The following NDUFA9 variants were observed in gnomAD, a reference collection of about 807,000 sequenced individuals.
NDUFA9 encodes NADH dehydrogenase [ubiquinone] 1 alpha subcomplex subunit 9, mitochondrial.
NDUFA9 carries 23 observed loss-of-function variants against 45.9 expected under a neutral mutation model. That is an observed-to-expected ratio of 0.50 (90% CI 0.36 to 0.71). NDUFA9 has a LOEUF of 0.71. Ranked by LOEUF, NDUFA9 falls within the 30% of genes least tolerant of loss-of-function variation. The pLI is 0.00. For synonymous variants in NDUFA9, 176 were observed against 170.5 expected (o/e 1.03, Z -0.25); for missense variants, 466 against 488.2 (o/e 0.95, Z 0.43).
In NDUFA9 at chr12:4,686,789, A is replaced by G. The variant is rs968151656; in HGVS notation, c.964-149A>G. 1.8e-4 allele frequency: 131 copies of G among 724,320 alleles called. No individual in the cohort carries two copies. In the African/African-American group the frequency reaches 2.1e-3, roughly 12 times the overall value. 44.9% of individuals were successfully genotyped at this position (724,320 alleles called of 1,614,324 possible). ...GTGTTCTGCTTTTATAGTGATTTGC[A>G]TGAATCGAAAATTGCCACATATTCT... On this transcript the variant is annotated intron_variant, in intron 10 of 10. Transcript: ENST00000266544.
At chr12:4,658,750 A>T (rs537659296) in intron 4 of NDUFA9, among the ~76,000 whole-genome samples, 57 of 152,040 alleles carry the variant, frequency 3.7e-4, no homozygotes, top group Middle Eastern at 6.8e-3. Flanking sequence ...AAAATTAAAA[A>T]TTTTTTTTCT....
At position 4,685,328 on chromosome 12, in the gene NDUFA9, G is replaced by A. The variant is rs1945979096; in HGVS notation, c.963+3G>A. On this transcript the variant is annotated splice_donor_region_variant and intron_variant, in intron 10 of 10. Coordinates refer to ENST00000266544, the MANE Select transcript of NDUFA9 (RefSeq NM_005002.5). ...TAACAAGGGATAAAGTGGAGCGGGT[G>A]AGTACATGTGTGGAAAGCGTCTGCC... The A allele has an allele frequency of 1.9e-6, 3 of 1,609,898 alleles. No homozygotes were observed. The highest frequency in any genetic ancestry group is 2.6e-6 in the Non-Finnish European group (3 of 1,176,464).
intron 8 of NDUFA9, among the ~76,000 whole-genome samples, chr12:4,674,869 TC>T (rs1447130095): frequency 6.6e-6 from 1 of 152,192 alleles, no homozygotes; most frequent in Non-Finnish European, 1.5e-5. Context: ...GAATATAATT[TC>T]TTCTCAGCAC....
intron 9 of NDUFA9, among the ~76,000 whole-genome samples, chr12:4,683,088 C>T (rs536340832): frequency 2.6e-5 from 4 of 152,040 alleles, no homozygotes; most frequent in African/African-American, 9.6e-5. Context: ...CACCTATAGT[C>T]CCAGCTACTT....
At chr12:4,650,684 A>C (rs1477745840) in intron 1 of NDUFA9, among the ~76,000 whole-genome samples, 1 of 152,218 alleles carries the variant, frequency 6.6e-6, no homozygotes, top group Non-Finnish European at 1.5e-5. Flanking sequence ...AAATCATAAA[A>C]GGGAAAGATT....
rs1287734796 is a variant in NDUFA9 at position 4,669,722 on chromosome 12, A to G, written c.724-19A>G. ...TCTTTTTCAACAATTACTTAGACATATATTATAATTTCTTACAGGTCGTAG... is the reference window on the plus strand; with the variant it reads ...TCTTTTTCAACAATTACTTAGACATGTATTATAATTTCTTACAGGTCGTAG... On this transcript the variant is annotated intron_variant, in intron 7 of 10. Transcript: ENST00000266544. 6 of 1,469,274 alleles carry G rather than the reference A, an allele frequency of 4.1e-6. No individual in the cohort carries two copies. The highest frequency in any genetic ancestry group is 5.7e-6 in the Non-Finnish European group (6 of 1,049,464). The allele number at this position is 1,469,274 out of a possible 1,614,324, so 91.0% of individuals were successfully genotyped here.
intron 8 of NDUFA9, among the ~76,000 whole-genome samples, chr12:4,677,038 C>G (rs1291305235): frequency 1.3e-5 from 2 of 152,122 alleles, no homozygotes; most frequent in Non-Finnish European, 2.9e-5. Flanking sequence ...CTGACAAAAA[C>G]AAGCAATGAG....
At chr12:4,681,008 A>G (rs1565572045) in intron 8 of NDUFA9, among the ~76,000 whole-genome samples, 2 of 152,224 alleles carry the variant, frequency 1.3e-5, no homozygotes, top group Non-Finnish European at 2.9e-5. Flanking sequence ...ACATTTCAGT[A>G]TAGGGAAAGA....
chr12:4,663,900 G>C (rs1224340454), intron 6 of NDUFA9, among the ~76,000 whole-genome samples: 1 of 152,166 alleles, frequency 6.6e-6, no homozygotes, highest in Non-Finnish European at 1.5e-5. Flanking sequence ...ATGGAAATGA[G>C]TAAGATGTCA....
At chr12:4,666,273 T>C (rs1945852753) in intron 6 of NDUFA9, among the ~76,000 whole-genome samples, 1 of 152,202 alleles carries the variant, frequency 6.6e-6, no homozygotes. Context: ...TTTTTTTATT[T>C]ATTCAGAACA....
In NDUFA9 at chr12:4,687,147, T is replaced by G; in HGVS notation, c.*39T>G. Reference sequence around the variant, plus strand: ...GCTCTTGGTTTTGGCGTCTTTTGGGTCGGCCCATGTGGTTTGAGCACCCAG... The same window carrying G: ...GCTCTTGGTTTTGGCGTCTTTTGGGGCGGCCCATGTGGTTTGAGCACCCAG... On this transcript the variant is annotated 3_prime_UTR_variant, in exon 11 of 11. Transcript: ENST00000266544. 6.2e-7 allele frequency: 1 copy of G among 1,605,394 alleles called. No homozygotes were observed. Among genetic ancestry groups the G allele is most frequent in the Non-Finnish European group, 8.5e-7 (1 of 1,174,720 alleles).
chr12:4,682,853 GC>G (rs1355694670), intron 9 of NDUFA9, among the ~76,000 whole-genome samples: 1 of 152,196 alleles, frequency 6.6e-6, no homozygotes, highest in Non-Finnish European at 1.5e-5. Context: ...GATTGCTTGA[GC>G]CCAGGAGTTT....
rs1185921576 is a variant in NDUFA9 at position 4,659,157 on chromosome 12, T to G, written c.532T>G (p.Ser178Ala). Residue 178 changes from serine to alanine, a missense_variant, in exon 5 of 11, where the codon TCT (serine) becomes GCT (alanine). Physicochemically the swap from Ser to Ala is moderately conservative, Grantham distance 99. Transcript: ENST00000266544. ...SHLNANIKSS[S>A]RYLRNKAVGE... Reference sequence around the variant, plus strand: ...TCTGAATGCGAATATTAAAAGCTCTTCTAGATATTTGAGAAATAAGGTAAG... The same window carrying G: ...TCTGAATGCGAATATTAAAAGCTCTGCTAGATATTTGAGAAATAAGGTAAG... 1 of 1,611,760 alleles carries G rather than the reference T, an allele frequency of 6.2e-7. No homozygotes were observed. The highest frequency in any genetic ancestry group is 2.2e-5 in the East Asian group (1 of 44,862).
At chr12:4,653,409 C>G (rs1945770809) in intron 1 of NDUFA9, 1 of 283,274 alleles carries the variant, frequency 3.5e-6, no homozygotes, top group Admixed American at 5.2e-5. Flanking sequence ...GCAGAATGGG[C>G]AGCTACAGGA....
chr12:4,652,010 C>G (rs1339770726), intron 1 of NDUFA9, among the ~76,000 whole-genome samples: 1 of 152,204 alleles, frequency 6.6e-6, no homozygotes, highest in Non-Finnish European at 1.5e-5. Flanking sequence ...CATTACTTAA[C>G]ATAGCGAGTT....
In NDUFA9 at chr12:4,654,821, T is replaced by A. The variant is rs1365313949; in HGVS notation, c.221-4T>A. 1.9e-6 allele frequency: 3 copies of A among 1,606,426 alleles called. No individual in the cohort carries two copies. The highest frequency in any genetic ancestry group is 2.6e-6 in the Non-Finnish European group (3 of 1,176,436). ...GATCCTTTTTTCAATCCATTCTCTT[T>A]TAGGACGCATGGGGTCACAGGTAAT... On this transcript the variant is annotated splice_polypyrimidine_tract_variant and splice_region_variant and intron_variant, in intron 2 of 10. Transcript: ENST00000266544.
At chr12:4,672,499 C>T (rs1945893450) in intron 8 of NDUFA9, among the ~76,000 whole-genome samples, 1 of 152,200 alleles carries the variant, frequency 6.6e-6, no homozygotes, top group Admixed American at 6.5e-5. Context: ...AATTCTCGCT[C>T]CTAGCTCAGC....
At chr12:4,684,779 G>A (rs569512691) in intron 9 of NDUFA9, among the ~76,000 whole-genome samples, 22 of 150,558 alleles carry the variant, frequency 1.5e-4, no homozygotes, top group Non-Finnish European at 2.2e-4. Context: ...GATTTGAACC[G>A]TAGATTTTAG....
intron 7 of NDUFA9, 21 bp downstream of exon 7, chr12:4,668,545 G>A: frequency 6.3e-7 from 1 of 1,580,806 alleles, no homozygotes; most frequent in Non-Finnish European, 8.7e-7. Context: ...GGATGAAGGG[G>A]GTCAGAAAGG....
Sources: gnomAD v4.1 joint callset for allele counts (sites outside exome capture counted in the v4.1 genomes callset) on GRCh38, gnomAD v4.1.1 for gene constraint, MANE v1.5 for transcripts, NCBI Gene and HGNC (gene_info 2026-07-23, HGNC 2026-07-21) for gene names.